The following WDR83 variants were observed in gnomAD, a reference collection of about 807,000 sequenced individuals.
WDR83 encodes the protein WD repeat domain 83, also known as WD repeat domain-containing protein 83.
In WDR83, 37 loss-of-function variants were observed where a neutral mutation model predicts 37.7. The ratio of observed to expected loss-of-function variants is 0.98; its 90% CI spans 0.76 to 1.29. The LOEUF is 1.29. Among genes scored for constraint, WDR83 ranks in the 50% most tolerant of loss-of-function variants. The pLI is 0.00. For missense variants in WDR83, 445 were observed against 414.4 expected, an observed-to-expected ratio of 1.07 and a Z score of -0.64; for synonymous variants, 174 against 181.1, an observed-to-expected ratio of 0.96 and a Z score of 0.31.
intron 10 of WDR83, among the ~76,000 whole-genome samples, chr19:12,674,559 A>C (rs1025170857): frequency 6.6e-6 from 1 of 152,224 alleles, no homozygotes; most frequent in Non-Finnish European, 1.5e-5. Flanking sequence ...CTTGGAGGGC[A>C]GGCACATCAA....
Position 12,675,738 on chromosome 19 carries a change from C to A in WDR83, c.*66C>A. 2.5e-6 allele frequency: 4 copies of A among 1,580,992 alleles called. No homozygotes were observed. In the Admixed American group the frequency reaches 7.2e-5, roughly 29 times the overall value. ...GACATGGAAGGACTTCAGATACCATCTTATTCTAGAGACGTAGCTGACCAA... is the reference window on the plus strand; with the variant it reads ...GACATGGAAGGACTTCAGATACCATATTATTCTAGAGACGTAGCTGACCAA... On this transcript the variant is annotated 3_prime_UTR_variant, in exon 11 of 11. Transcript: ENST00000418543.
At chr19:12,674,890 T>C (rs985170533) in intron 10 of WDR83, among the ~76,000 whole-genome samples, 1 of 132,388 alleles carries the variant, frequency 7.6e-6, no homozygotes, top group African/African-American at 2.9e-5. Flanking sequence ...CCGAGGGGGG[T>C]GGATCACGAG....
chr19:12,673,410 CTTTTTTTTTTTT>C (rs58676851), intron 10 of WDR83, 94 bp downstream of exon 10: 16 of 248,046 alleles, frequency 6.5e-5, no homozygotes, highest in Admixed American at 3.0e-4. Context: ...AGGCTAGGAT[CTTTTTTTTTTTT>C]TTTTTTTTTT....
chr19:12,672,768 C>T, intron 7 of WDR83, 79 bp from the exon 8 acceptor site: 2 of 1,450,460 alleles, frequency 1.4e-6, no homozygotes, highest in Non-Finnish European at 1.9e-6. Context: ...AGCAGGCCCA[C>T]TGGGCTGGGA....
At position 12,666,844 on chromosome 19, in the gene WDR83, G is replaced by A; in HGVS notation, c.-305G>A. On this transcript the variant is annotated 5_prime_UTR_variant, in exon 1 of 11. Coordinates refer to ENST00000418543, the MANE Select transcript of WDR83 (RefSeq NM_001099737.3). Reference sequence around the variant, plus strand: ...CTCACGGGAGAGAGGCTGTAGCCCTGGGCAATCCCGGGGGTCGTTACAGGA... The same window carrying A: ...CTCACGGGAGAGAGGCTGTAGCCCTAGGCAATCCCGGGGGTCGTTACAGGA... The A allele has an allele frequency of 1.3e-6, 1 of 766,784 alleles. No individual in the cohort carries two copies. The highest frequency in any genetic ancestry group is 2.0e-6 in the Non-Finnish European group (1 of 490,450). The allele number at this position is 766,784 out of a possible 1,614,324, so 47.5% of individuals were successfully genotyped here. A position where few individuals can be genotyped will look rare whatever the true frequency, so the allele number is the denominator to read the frequency against.
chr19:12,669,416 G>A (rs367910470), intron 2 of WDR83: 39 of 1,587,592 alleles, frequency 2.5e-5, no homozygotes, highest in Admixed American at 3.6e-5. Flanking sequence ...CGAGTCGAAG[G>A]CCAGATCACG....
At chr19:12,670,668 G>T (rs1402192343) in intron 6 of WDR83, 27 bp from the exon 7 acceptor site, 1 of 1,614,136 alleles carries the variant, frequency 6.2e-7, no homozygotes. Context: ...CTCCAAACCT[G>T]ACCTCACCAT....
At position 12,671,181 on chromosome 19, in the gene WDR83, A is replaced by G. The variant is rs564688738; in HGVS notation, c.506+360A>G. ...CGTCTCTACTAAAAATGCAAAAATTAGCCAGGTGTGGTGACGGGAGCCTGT... is the reference window on the plus strand; with the variant it reads ...CGTCTCTACTAAAAATGCAAAAATTGGCCAGGTGTGGTGACGGGAGCCTGT... On this transcript the variant is annotated intron_variant, in intron 7 of 10. Transcript: ENST00000418543. 39 of 207,358 alleles carry G rather than the reference A, an allele frequency of 1.9e-4. 2 individuals are homozygous for G. The highest frequency in any genetic ancestry group is 4.4e-3 in the Middle Eastern group (2 of 454). The allele number at this position is 207,358 out of a possible 1,614,324, so 12.8% of individuals were successfully genotyped here.
intron 7 of WDR83, chr19:12,671,060 G>A: frequency 2.0e-6 from 1 of 495,588 alleles, no homozygotes; most frequent in Non-Finnish European, 3.4e-6. Flanking sequence ...GGGCACGGTG[G>A]CTCACACCTG....
At chr19:12,668,020 G>C (rs78999235) in intron 1 of WDR83, 1 of 280,244 alleles carries the variant, frequency 3.6e-6, no homozygotes, top group South Asian at 3.7e-5. Context: ...TGGGGCTAGA[G>C]CCCTTCCCGC....
intron 5 of WDR83, 31 bp downstream of exon 5, chr19:12,670,316 G>A (rs1174172331): frequency 6.2e-7 from 1 of 1,607,632 alleles, no homozygotes; most frequent in South Asian, 1.1e-5. Context: ...CCTCATTTGA[G>A]TGGAGGGGAC....
rs2024305988 is a variant in WDR83 at position 12,668,110 on chromosome 19, G to A, written c.-156-398G>A. On this transcript the variant is annotated intron_variant, in intron 1 of 10. Coordinates refer to ENST00000418543, the MANE Select transcript of WDR83 (RefSeq NM_001099737.3). ...CTTTATTAACAACAGGTTTCAACGAGAAAGCAAATGAATACCCCTAGAAAC... is the reference window on the plus strand; with the variant it reads ...CTTTATTAACAACAGGTTTCAACGAAAAAGCAAATGAATACCCCTAGAAAC... The A allele has an allele frequency of 1.3e-5, 6 of 477,574 alleles. No individual in the cohort carries two copies. The South Asian group carries it at 1.5e-4, about 12-fold the overall frequency. 29.6% of individuals were successfully genotyped at this position (477,574 alleles called of 1,614,324 possible).
chr19:12,670,408 G>C, intron 5 of WDR83, 123 bp downstream of exon 5: 1 of 1,493,068 alleles, frequency 6.7e-7, no homozygotes, highest in South Asian at 1.2e-5. Context: ...CCCCCACTCC[G>C]CATGCCAGGC....
intron 1 of WDR83, 142 bp downstream of exon 1, chr19:12,667,134 A>G: frequency 4.3e-6 from 1 of 231,080 alleles, no homozygotes; most frequent in South Asian, 5.4e-5. Context: ...GGAGGATCTG[A>G]TGAAGAGTCC....
Position 12,673,209 on chromosome 19 carries a change from G to A in WDR83, c.691G>A (p.Gly231Ser), listed in dbSNP as rs1423571311. Residue 231 changes from glycine (G) to serine (S), a missense_variant, in exon 10 of 11, where the codon GGC (glycine) becomes AGC (serine). Transcript: ENST00000418543. ...DTGELLGEYK[G>S]HKNQEYKLDC... The stretch of plus-strand genomic sequence containing the variant: ...GATCCTGTCCACCCTTAGGTACAAG[G>A]GCCATAAGAACCAGGAATACAAGCT... 1 of 1,614,024 alleles carries A rather than the reference G, an allele frequency of 6.2e-7. No individual in the cohort carries two copies. Among genetic ancestry groups the A allele is most frequent in the East Asian group, 2.2e-5 (1 of 44,862 alleles).
rs2024388249 is a variant in WDR83, at chr19:12,670,681, T to C, written c.380-14T>C. ...CCCTCCAAACCTGACCTCACCATCATGCTGGCCTCACAGGCTCTATTGATT... is the reference window on the plus strand; with the variant it reads ...CCCTCCAAACCTGACCTCACCATCACGCTGGCCTCACAGGCTCTATTGATT... On this transcript the variant is annotated splice_polypyrimidine_tract_variant and intron_variant, in intron 6 of 10. Transcript: ENST00000418543. 2 of 1,614,188 alleles carry C rather than the reference T, an allele frequency of 1.2e-6. No individual in the cohort carries two copies. Among genetic ancestry groups the C allele is most frequent in the Non-Finnish European group, 1.7e-6 (2 of 1,180,022 alleles).
Position 12,670,786 on chromosome 19 carries a change from C to A in WDR83, c.471C>A (p.Ser157=). ...TGGATGAGGCCAGAGATGGCGTGTCCAGTGTGAAGGTGTCAGACCACGAGA... is the reference window on the plus strand; with the variant it reads ...TGGATGAGGCCAGAGATGGCGTGTCAAGTGTGAAGGTGTCAGACCACGAGA... ...QTLDEARDGV[S]SVKVSDHEIL... is the part of the protein sequence containing the mutation. The change falls in exon 7 of 11, where the codon TCC becomes TCA. Residue 157 remains serine, a synonymous_variant. Coordinates refer to ENST00000418543, the MANE Select transcript of WDR83 (RefSeq NM_001099737.3). 1 of 1,614,066 alleles carries A rather than the reference C, an allele frequency of 6.2e-7. No individual in the cohort carries two copies. The highest frequency in any genetic ancestry group is 1.1e-5 in the South Asian group (1 of 91,062).
rs1281369349 is a variant in WDR83, at chr19:12,670,274, G to C, written c.319G>C (p.Gly107Arg). 2.5e-6 allele frequency: 4 copies of C among 1,613,874 alleles called. No individual in the cohort carries two copies. The highest frequency in any genetic ancestry group is 2.5e-6 in the Non-Finnish European group (3 of 1,179,960). Residue 107 changes from glycine (G) to arginine (R), a missense_variant, in exon 5 of 11, where the codon GGC becomes CGC. Coordinates refer to ENST00000418543, the MANE Select transcript of WDR83 (RefSeq NM_001099737.3). ...AGGGCAGGTCGTGCGCAAATTCCGG[G>C]GCCACGCAGGGGTGAGTGAAAGCCT... is the stretch of plus-strand genomic sequence containing the variant. ...ASGQVVRKFR[G>R]HAGKVNTVQF... is the part of the protein sequence containing the mutation.
intron 1 of WDR83, 61 bp downstream of exon 1, chr19:12,667,053 A>G (rs2145296329): frequency 5.7e-6 from 2 of 350,006 alleles, no homozygotes; most frequent in Non-Finnish European, 1.1e-5. Flanking sequence ...TAGTGTGTCC[A>G]TGGGAATCCA....
Sources: allele counts gnomAD v4.1 joint callset (sites outside exome capture counted in the v4.1 genomes callset), GRCh38; gene constraint gnomAD v4.1.1; transcripts MANE v1.5; gene names NCBI Gene and HGNC (gene_info 2026-07-23, HGNC 2026-07-21).